Variants in MTCL1 observed in about 807,000 individuals in gnomAD.
MTCL1 encodes the protein microtubule cross-linking factor 1.
In MTCL1, 79 loss-of-function variants were observed where a neutral mutation model predicts 141.4. That is an observed-to-expected ratio of 0.56 (90% CI 0.47 to 0.67). The LOEUF (loss-of-function observed/expected upper bound fraction) is 0.67. MTCL1 is among the 30% of genes least tolerant of loss of function. The probability of loss-of-function intolerance (pLI) is 0.00; values close to 1 mark genes in which losing one functional copy is unlikely to be tolerated. For missense variants in MTCL1, 2,177 were observed against 2,113.9 expected (o/e 1.03, Z -0.59); for synonymous variants, 914 against 875.8 (o/e 1.04, Z -0.77).
intron 4 of MTCL1, among the ~76,000 whole-genome samples, chr18:8,777,502 T>C (rs1161499408): frequency 1.3e-5 from 2 of 152,226 alleles, no homozygotes; most frequent in Non-Finnish European, 2.9e-5. Context: ...GCCTTTCTCC[T>C]CTTCTTCTTG....
At chr18:8,795,141 G>T (rs182665393) in intron 8 of MTCL1, among the ~76,000 whole-genome samples, 1 of 152,238 alleles carries the variant, frequency 6.6e-6, no homozygotes, top group Admixed American at 6.5e-5. Flanking sequence ...GAGCGGCCAC[G>T]CAAGTCGTTG....
chr18:8,754,008 A>G (rs547084123), intron 4 of MTCL1, among the ~76,000 whole-genome samples: 1 of 152,330 alleles, frequency 6.6e-6, no homozygotes, highest in East Asian at 1.9e-4. Context: ...TGAAAATTTT[A>G]TTGCTTTTCA....
At chr18:8,776,379 C>T (rs987493377) in intron 4 of MTCL1, among the ~76,000 whole-genome samples, 4 of 152,346 alleles carry the variant, frequency 2.6e-5, no homozygotes, top group East Asian at 1.9e-4. Context: ...TCTGCCTTCA[C>T]ACTTTCCCTT....
chr18:8,777,535 AT>A (rs1172178567), intron 4 of MTCL1, among the ~76,000 whole-genome samples: 1 of 152,210 alleles, frequency 6.6e-6, no homozygotes. Context: ...TGTTAAAGTT[AT>A]CCCAGCCACT....
chr18:8,757,125 C>T (rs1436965425), intron 4 of MTCL1, among the ~76,000 whole-genome samples: 1 of 152,214 alleles, frequency 6.6e-6, no homozygotes, highest in African/African-American at 2.4e-5. Flanking sequence ...ACTGCCTGTG[C>T]CTCTTTGGAA....
intron 10 of MTCL1, chr18:8,800,473 G>A (rs1295892492): frequency 6.6e-6 from 1 of 152,242 alleles, no homozygotes; most frequent in Non-Finnish European, 1.5e-5. Flanking sequence ...TCAACCTTGG[G>A]ATGGCTCATA....
At chr18:8,791,027 A>T (rs755244222) in intron 7 of MTCL1, among the ~76,000 whole-genome samples, 1 of 152,156 alleles carries the variant, frequency 6.6e-6, no homozygotes, top group Non-Finnish European at 1.5e-5. Flanking sequence ...AAAACAAGCA[A>T]ACAAAGAACT....
At position 8,830,028 on chromosome 18, in the gene MTCL1, C is replaced by CCAACACA. The variant is rs2077147453; in HGVS notation, c.*18+1074_*18+1080dup. ...AGATAAACCTATGACAGCAGCTTCACCAACACACAACACACACAGAACAGA... is the reference window on the plus strand; with the variant it reads ...AGATAAACCTATGACAGCAGCTTCACCAACACACAACACACAACACACACAGAACAGA... On this transcript the variant is annotated intron_variant, in intron 16 of 16. Coordinates refer to ENST00000359865, the Ensembl canonical transcript of MTCL1. The surrounding 1 kb of genome is among the most constrained non-coding windows in gnomAD (Gnocchi z 6.4). 2 of 985,350 alleles carry CCAACACA rather than the reference C, an allele frequency of 2.0e-6. No individual in the cohort carries two copies. Among genetic ancestry groups the CCAACACA allele is most frequent in the African/African-American group, 3.5e-5 (2 of 57,200 alleles). The allele number at this position is 985,350 out of a possible 1,614,324, so 61.0% of individuals were successfully genotyped here.
chr18:8,745,738 A>G (rs963233600), intron 4 of MTCL1, among the ~76,000 whole-genome samples: 2 of 152,216 alleles, frequency 1.3e-5, no homozygotes, highest in African/African-American at 4.8e-5. Flanking sequence ...GTGGTAAAAC[A>G]TACATGACAT....
At chr18:8,706,382 G>C (rs1365842842) in exon 1 of MTCL1, 84 of 1,229,720 alleles carry the variant, frequency 6.8e-5, no homozygotes, top group Non-Finnish European at 8.0e-5. Flanking sequence ...ACGGGCTCCA[G>C]CGACCGTGAA....
rs1255408586 is a variant in MTCL1, at chr18:8,793,135, C to T, written c.2010+15C>T. 9 of 1,612,064 alleles carry T rather than the reference C, an allele frequency of 5.6e-6. No individual in the cohort carries two copies. The highest frequency in any genetic ancestry group is 4.0e-5 in the African/African-American group (3 of 74,872). The stretch of plus-strand genomic sequence containing the variant: ...AGATCCATAAGGTAAATATTTAACA[C>T]GGACTCAGCACAACCGCTTTGTGAA... On this transcript the variant is annotated intron_variant, in intron 8 of 16. Transcript: ENST00000359865.
Position 8,826,368 on chromosome 18 carries a change from G to A in MTCL1, c.4722+136G>A, listed in dbSNP as rs2077027358. 3.0e-5 allele frequency: 27 copies of A among 888,644 alleles called. No individual in the cohort carries two copies. In the South Asian group the frequency reaches 4.0e-4, roughly 13 times the overall value. 55.0% of individuals were successfully genotyped at this position (888,644 alleles called of 1,614,324 possible). On this transcript the variant is annotated intron_variant, in intron 15 of 16. Transcript: ENST00000359865. Reference sequence around the variant, plus strand: ...TGATTGGTTATTGGGAGCTGGGGAGGTGTTAGGTTTATGGGAGAATAGAAT... The same window carrying A: ...TGATTGGTTATTGGGAGCTGGGGAGATGTTAGGTTTATGGGAGAATAGAAT...
intron 9 of MTCL1, among the ~76,000 whole-genome samples, chr18:8,797,456 C>T (rs1206557515): frequency 2.0e-5 from 3 of 152,254 alleles, no homozygotes; most frequent in Non-Finnish European, 4.4e-5. Flanking sequence ...CAGGCTCCTT[C>T]CTGGCCTTGC....
intron 4 of MTCL1, among the ~76,000 whole-genome samples, chr18:8,761,026 A>C (rs75499822): frequency 0.032 from 4,884 of 152,278 alleles, 127 homozygotes; most frequent in Non-Finnish European, 0.045. Flanking sequence ...TTAAAAAGTA[A>C]GGTCTTTGGA....
chr18:8,790,881 G>C (rs142581018), intron 7 of MTCL1, among the ~76,000 whole-genome samples: 3 of 152,182 alleles, frequency 2.0e-5, no homozygotes, highest in Non-Finnish European at 4.4e-5. Flanking sequence ...TGGGTGTCAT[G>C]GTGGGTACCT....
intron 4 of MTCL1, among the ~76,000 whole-genome samples, chr18:8,750,438 G>T (rs1482843064): frequency 2.0e-5 from 3 of 152,340 alleles, no homozygotes; most frequent in Admixed American, 2.0e-4. Flanking sequence ...CTCCTCCAGG[G>T]TGGGGCCCCA....
intron 4 of MTCL1, among the ~76,000 whole-genome samples, chr18:8,750,193 C>T (rs1263101303): frequency 3.3e-5 from 5 of 152,036 alleles, no homozygotes; most frequent in African/African-American, 9.6e-5. Flanking sequence ...ATTACAGGCT[C>T]ATGCCACCAC....
intron 11 of MTCL1, chr18:8,809,348 C>G: frequency 1.4e-6 from 2 of 1,409,214 alleles, no homozygotes; most frequent in Non-Finnish European, 1.9e-6. Context: ...CGGTTATAAA[C>G]ATAGGCAACA....
chr18:8,723,932 A>G (rs576791848), intron 4 of MTCL1, among the ~76,000 whole-genome samples: 1 of 149,702 alleles, frequency 6.7e-6, no homozygotes, highest in South Asian at 2.1e-4. Context: ...AGAAATATCC[A>G]GAGTAGATAA....
Sources: allele counts gnomAD v4.1 joint callset (sites outside exome capture counted in the v4.1 genomes callset), GRCh38; gene constraint gnomAD v4.1.1; non-coding constraint Gnocchi (gnomAD v3.1); transcripts MANE v1.5; gene names NCBI Gene and HGNC (gene_info 2026-07-23, HGNC 2026-07-21).